PREP: variants seen among roughly 807,000 people sequenced by gnomAD.
PREP encodes the protein prolyl endopeptidase, also known as dJ355L5.1 (prolyl endopeptidase).
PREP carries 29 observed loss-of-function variants against 87.6 expected under a neutral mutation model. The ratio of observed to expected loss-of-function variants is 0.33; its 90% CI spans 0.25 to 0.45. PREP has a LOEUF of 0.45. Among genes scored for constraint, PREP ranks in the 20% least tolerant of loss-of-function variants. The probability of loss-of-function intolerance (pLI) is 1.00; values close to 1 mark genes in which losing one functional copy is unlikely to be tolerated. For missense variants in PREP, 695 were observed against 886.5 expected (o/e 0.78, Z 2.74); for synonymous variants, 337 against 328.6 (o/e 1.03, Z -0.28).
chr6:105,278,491 G>C lies in PREP; in HGVS notation c.1839-53C>G. ...CTGGAGAGCAACAGTAGAGTTTTAT[G>C]GCACAGGGACCTAGGTAGTTAATTA... On this transcript the variant is annotated intron_variant, in intron 14 of 14. Transcript: ENST00000652536. This position sits in a 1 kb window ranked among gnomAD's most constrained non-coding sequence, Gnocchi z 4.2. The C allele has an allele frequency of 6.5e-7, 1 of 1,534,310 alleles. No homozygotes were observed. Among genetic ancestry groups the C allele is most frequent in the South Asian group, 1.2e-5 (1 of 82,252 alleles).
chr6:105,304,104 G>GA (rs1295376169), intron 10 of PREP, among the ~76,000 whole-genome samples: 1 of 152,004 alleles, frequency 6.6e-6, no homozygotes, highest in African/African-American at 2.4e-5. Flanking sequence ...ATTGTGGATT[G>GA]AAAAATTTTT....
rs769822003 is a variant in PREP, at chr6:105,377,393, C to T, written c.247G>A (p.Gly83Arg). 1.0e-5 allele frequency: 16 copies of T among 1,601,904 alleles called. No homozygotes were observed. The highest frequency in any genetic ancestry group is 1.4e-5 in the Non-Finnish European group (16 of 1,176,390). Reference protein sequence around the residue: ...YPKYSCHFKKGKRYFYFYNTG... With the variant: ...YPKYSCHFKKRKRYFYFYNTG... ...CAGTAAAAGCAGTCTCACCGTTTTC[C>T]TTTCTTGAAGTGGCAACTATACTTG... is the stretch of plus-strand genomic sequence containing the variant. The change falls in exon 3 of 15, where the codon GGA becomes AGA. Residue 83 changes from glycine (G) to arginine (R), a missense_variant. Physicochemically the swap from Gly to Arg is moderately radical, Grantham distance 125 (BLOSUM62 -2). Transcript: ENST00000652536.
Position 105,361,939 on chromosome 6 carries a change from C to A in PREP, c.717+6964G>T, listed in dbSNP as rs955226396. On this transcript the variant is annotated intron_variant, in intron 6 of 14. Coordinates refer to ENST00000652536, the MANE Select transcript of PREP (RefSeq NM_002726.5). ...TTAATAATTTTAACAAATAAAGTTA[C>A]CCAGCTTTCCCAGTACAGTGTGGTA... 9.2e-5 allele frequency among the ~76,000 whole-genome samples: 14 copies of A among 152,188 alleles called. No homozygotes were observed. In the South Asian group the frequency reaches 2.5e-3, roughly 27 times the overall value.
At chr6:105,365,312 A>C (rs944013371) in intron 6 of PREP, among the ~76,000 whole-genome samples, 1 of 152,218 alleles carries the variant, frequency 6.6e-6, no homozygotes, top group Non-Finnish European at 1.5e-5. Flanking sequence ...TTTCCAGTGA[A>C]TAGCCTGAGA....
At chr6:105,395,292 C>T (rs1445934158) in intron 2 of PREP, among the ~76,000 whole-genome samples, 1 of 152,186 alleles carries the variant, frequency 6.6e-6, no homozygotes, top group Non-Finnish European at 1.5e-5. Flanking sequence ...CTCGCATCTG[C>T]AAAGTATTAC....
chr6:105,289,451 T>C (rs1770251107), intron 10 of PREP, among the ~76,000 whole-genome samples: 1 of 152,222 alleles, frequency 6.6e-6, no homozygotes, highest in Admixed American at 6.5e-5. Context: ...ACAAAATTTA[T>C]TAGCTTAGAA....
At chr6:105,367,567 G>C (rs1321805452) in intron 6 of PREP, among the ~76,000 whole-genome samples, 2 of 151,556 alleles carry the variant, frequency 1.3e-5, no homozygotes, top group Non-Finnish European at 3.0e-5. Context: ...AGCTACTTGG[G>C]AGGCTGAGGC....
At chr6:105,297,749 T>C (rs962660121) in intron 10 of PREP, among the ~76,000 whole-genome samples, 3 of 152,232 alleles carry the variant, frequency 2.0e-5, no homozygotes, top group Non-Finnish European at 4.4e-5. Flanking sequence ...CACAGAGCCC[T>C]GTCTTCCTTC....
chr6:105,343,202 G>C (rs2114671897), intron 7 of PREP, among the ~76,000 whole-genome samples: 1 of 152,298 alleles, frequency 6.6e-6, no homozygotes, highest in Non-Finnish European at 1.5e-5. Context: ...GAACAGAACA[G>C]AGCCCTCAGA....
chr6:105,312,694 C>T (rs1422946322), intron 10 of PREP, among the ~76,000 whole-genome samples: 6 of 152,326 alleles, frequency 3.9e-5, no homozygotes, highest in African/African-American at 1.2e-4. Flanking sequence ...TTCTGCTTTA[C>T]ACTGAGCTCC....
intron 7 of PREP, among the ~76,000 whole-genome samples, 189 bp from the exon 8 acceptor site, chr6:105,333,694 A>C (rs1240890334): frequency 6.6e-6 from 1 of 152,172 alleles, no homozygotes; most frequent in Non-Finnish European, 1.5e-5. Flanking sequence ...GAGCCCCTGA[A>C]AAACCCAGCA....
chr6:105,288,493 A>G (rs1275486289), intron 11 of PREP, among the ~76,000 whole-genome samples: 1 of 152,190 alleles, frequency 6.6e-6, no homozygotes, highest in Admixed American at 6.5e-5. Flanking sequence ...AGCTGGGATT[A>G]CAGGCATCCG....
intron 10 of PREP, among the ~76,000 whole-genome samples, chr6:105,319,641 G>A (rs1178874674): frequency 6.6e-6 from 1 of 152,208 alleles, no homozygotes; most frequent in East Asian, 1.9e-4. Context: ...CAAAAAAGCA[G>A]AAGCAGTCTT....
At chr6:105,279,942 C>G (rs1770042906) in intron 14 of PREP, among the ~76,000 whole-genome samples, 1 of 152,114 alleles carries the variant, frequency 6.6e-6, no homozygotes, top group South Asian at 2.1e-4. Context: ...ATTCCTTCTT[C>G]AAATATATAG....
At chr6:105,396,149 GA>G (rs1773280845) in intron 2 of PREP, among the ~76,000 whole-genome samples, 1 of 152,208 alleles carries the variant, frequency 6.6e-6, no homozygotes, top group Admixed American at 6.5e-5. Context: ...CTTCTGGAAA[GA>G]AAAATTAAAC....
chr6:105,284,732 G>A (rs969370256), intron 12 of PREP, among the ~76,000 whole-genome samples: 1 of 152,160 alleles, frequency 6.6e-6, no homozygotes, highest in African/African-American at 2.4e-5. Context: ...TTCAATTTCA[G>A]ATACACAAAA....
At position 105,278,054 on chromosome 6, in the gene PREP, G is replaced by T; in HGVS notation, c.*90C>A. ...TGAGTGCAGGAATAATGTTCCCGTG[G>T]GGAAGCATTATGCCCAGTGGTTTCT... is the stretch of plus-strand genomic sequence containing the variant. On this transcript the variant is annotated 3_prime_UTR_variant, in exon 15 of 15. Coordinates refer to ENST00000652536, the MANE Select transcript of PREP (RefSeq NM_002726.5). The surrounding 1 kb of genome is among the most constrained non-coding windows in gnomAD (Gnocchi z 4.2). 1.4e-6 allele frequency: 2 copies of T among 1,445,904 alleles called. No individual in the cohort carries two copies. The highest frequency in any genetic ancestry group is 1.9e-6 in the Non-Finnish European group (2 of 1,057,764). 89.6% of individuals were successfully genotyped at this position (1,445,904 alleles called of 1,614,324 possible).
At chr6:105,328,370 G>A (rs1771229339) in intron 9 of PREP, among the ~76,000 whole-genome samples, 1 of 151,646 alleles carries the variant, frequency 6.6e-6, no homozygotes. Flanking sequence ...TGATTCTCCT[G>A]CCTCAGCCTC....
intron 2 of PREP, among the ~76,000 whole-genome samples, chr6:105,389,340 GA>G (rs1365505286): frequency 6.6e-6 from 1 of 152,018 alleles, no homozygotes; most frequent in African/African-American, 2.4e-5. Flanking sequence ...CATAGAACAA[GA>G]AAACAGAAGA....
Sources: gnomAD v4.1 joint callset for allele counts (sites outside exome capture counted in the v4.1 genomes callset) on GRCh38, gnomAD v4.1.1 for gene constraint, Gnocchi (gnomAD v3.1) non-coding constraint, MANE v1.5 for transcripts, NCBI Gene and HGNC (gene_info 2026-07-23, HGNC 2026-07-21) for gene names.